Variants in DENND1A observed in about 807,000 individuals in gnomAD.
The protein encoded by DENND1A is DENN domain-containing protein 1A.
A neutral mutation model predicts 113.7 loss-of-function variants in DENND1A; 51 were observed. That is an observed-to-expected ratio of 0.45 (90% confidence interval 0.36 to 0.57). The LOEUF (loss-of-function observed/expected upper bound fraction) is 0.57, where lower values mean the gene tolerates loss of function less well. DENND1A is among the 20% of genes least tolerant of loss of function. DENND1A has a pLI of 0.00. For synonymous variants in DENND1A, 565 were observed against 570.8 expected (o/e 0.99, Z 0.14); for missense variants, 1,258 against 1,395.9 (o/e 0.90, Z 1.57).
At chr9:123,495,635 C>G (rs2051846559) in intron 13 of DENND1A, among the ~76,000 whole-genome samples, 1 of 152,104 alleles carries the variant, frequency 6.6e-6, no homozygotes, top group African/African-American at 2.4e-5. Flanking sequence ...TTCTCAATTC[C>G]TTTAGAAGGA....
intron 3 of DENND1A, among the ~76,000 whole-genome samples, chr9:123,781,108 T>C (rs1279082777): frequency 1.3e-5 from 2 of 152,194 alleles, no homozygotes; most frequent in Non-Finnish European, 1.5e-5. Context: ...TAGCCCTCCA[T>C]GTTGAATGCA....
At chr9:123,590,366 G>A (rs565227419) in intron 11 of DENND1A, among the ~76,000 whole-genome samples, 1 of 152,296 alleles carries the variant, frequency 6.6e-6, no homozygotes, top group Admixed American at 6.5e-5. Flanking sequence ...ATGAATGAGA[G>A]GCAGCAGAGC....
intron 2 of DENND1A, among the ~76,000 whole-genome samples, chr9:123,853,621 A>C (rs1843713306): frequency 6.6e-6 from 1 of 152,176 alleles, no homozygotes; most frequent in Non-Finnish European, 1.5e-5. Flanking sequence ...CCGAGATCAC[A>C]CCACTGTACT....
intron 15 of DENND1A, 34 bp downstream of exon 15, chr9:123,457,307 AGCAGCCT>A: frequency 2.0e-6 from 3 of 1,482,110 alleles, no homozygotes. Context: ...CCTAAATGAT[AGCAGCCT>A]GCAGCCCCGG....
intron 3 of DENND1A, among the ~76,000 whole-genome samples, chr9:123,771,574 T>A (rs1829738097): frequency 6.6e-6 from 1 of 152,190 alleles, no homozygotes; most frequent in Non-Finnish European, 1.5e-5. Context: ...ATGCTGGAGT[T>A]GTACTGGCAA....
At chr9:123,413,317 G>T (rs1409195230) in intron 19 of DENND1A, 1 of 657,472 alleles carries the variant, frequency 1.5e-6, no homozygotes, top group Non-Finnish European at 1.9e-6. Flanking sequence ...TGGATATATT[G>T]GGTTCATTAT....
At chr9:123,546,696 T>C (rs965498323) in intron 13 of DENND1A, among the ~76,000 whole-genome samples, 7 of 152,186 alleles carry the variant, frequency 4.6e-5, no homozygotes, top group Non-Finnish European at 1.0e-4. Flanking sequence ...CACCTACTAA[T>C]ACCAGACTAT....
intron 13 of DENND1A, among the ~76,000 whole-genome samples, chr9:123,500,647 C>T (rs1017574401): frequency 6.6e-6 from 1 of 152,198 alleles, no homozygotes; most frequent in African/African-American, 2.4e-5. Flanking sequence ...TGAGAGTTCT[C>T]CGCACGCCTC....
At position 123,385,519 on chromosome 9, in the gene DENND1A, G is replaced by GAGAT. The variant is rs564930071; in HGVS notation, c.1761-1610_1761-1607dup. 1.3e-3 allele frequency among the ~76,000 whole-genome samples: 197 copies of GAGAT among 152,324 alleles called. 1 individual carries two copies. Among genetic ancestry groups the GAGAT allele is most frequent in the African/African-American group, 4.5e-3 (187 of 41,582 alleles). ...GCTGGTGGTGGCCCTACGTCAGGCGGAGATGGTGCCCGTGGCACTGGTAAA... is the reference window on the plus strand; with the variant it reads ...GCTGGTGGTGGCCCTACGTCAGGCGGAGATAGATGGTGCCCGTGGCACTGGTAAA... On this transcript the variant is annotated intron_variant, in intron 22 of 23. Transcript: ENST00000394215.
chr9:123,413,475 G>T, intron 19 of DENND1A: 1 of 985,432 alleles, frequency 1.0e-6, no homozygotes, highest in Non-Finnish European at 1.2e-6. Flanking sequence ...ATCTGCCTTA[G>T]AATTTGTTTT....
intron 13 of DENND1A, among the ~76,000 whole-genome samples, chr9:123,542,886 A>G (rs2056390516): frequency 6.6e-6 from 1 of 152,140 alleles, no homozygotes; most frequent in African/African-American, 2.4e-5. Context: ...TCACTTGTGT[A>G]ACCACTTCCT....
chr9:123,771,263 A>G (rs1222623531), intron 3 of DENND1A, among the ~76,000 whole-genome samples: 1 of 152,226 alleles, frequency 6.6e-6, no homozygotes, highest in African/African-American at 2.4e-5. Flanking sequence ...TAATGTTATT[A>G]TCAGGCAAAG....
chr9:123,913,005 G>C (rs943932804), intron 1 of DENND1A, among the ~76,000 whole-genome samples: 1 of 151,378 alleles, frequency 6.6e-6, no homozygotes, highest in African/African-American at 2.4e-5. Context: ...GGATGTCAAC[G>C]GAAGCAGAGT....
chr9:123,920,653 G>C (rs145836739), intron 1 of DENND1A, among the ~76,000 whole-genome samples: 1 of 152,024 alleles, frequency 6.6e-6, no homozygotes, highest in Non-Finnish European at 1.5e-5. Context: ...TCCCCTTCCC[G>C]GGTTCAAGCA....
At chr9:123,892,434 T>A (rs570265129) in intron 1 of DENND1A, among the ~76,000 whole-genome samples, 1 of 152,062 alleles carries the variant, frequency 6.6e-6, no homozygotes, top group African/African-American at 2.4e-5. Flanking sequence ...AGACAAAACA[T>A]ATGAAACAAT....
At chr9:123,825,425 TA>T (rs1167576413) in intron 2 of DENND1A, among the ~76,000 whole-genome samples, 1 of 152,144 alleles carries the variant, frequency 6.6e-6, no homozygotes, top group African/African-American at 2.4e-5. Context: ...CTGATCTTAC[TA>T]GGGGGTGTCA....
At chr9:123,825,750 T>C (rs1279377342) in intron 2 of DENND1A, among the ~76,000 whole-genome samples, 2 of 152,246 alleles carry the variant, frequency 1.3e-5, no homozygotes, top group Admixed American at 6.5e-5. Context: ...GAAAGGAAGA[T>C]GTGGTTGACT....
chr9:123,686,792 T>C (rs1433897081), intron 5 of DENND1A, among the ~76,000 whole-genome samples: 2 of 152,198 alleles, frequency 1.3e-5, no homozygotes, highest in African/African-American at 4.8e-5. Context: ...ACAGACTGTG[T>C]TGCCTTTTTT....
intron 5 of DENND1A, among the ~76,000 whole-genome samples, chr9:123,731,530 A>G (rs1287186401): frequency 1.3e-5 from 2 of 152,254 alleles, no homozygotes; most frequent in Admixed American, 6.5e-5. Flanking sequence ...CAATCTACAA[A>G]AAAATTCAAC....
Sources: allele counts gnomAD v4.1 joint callset (sites outside exome capture counted in the v4.1 genomes callset), GRCh38; gene constraint gnomAD v4.1.1; transcripts MANE v1.5; gene names NCBI Gene and HGNC (gene_info 2026-07-23, HGNC 2026-07-21).